The following ABCA12 variants were observed in gnomAD, a reference collection of about 807,000 sequenced individuals.
ABCA12 encodes ATP binding cassette subfamily A member 12.
Under a neutral mutation model 293.5 loss-of-function variants are expected in ABCA12, and 156 were observed. The observed-to-expected ratio is 0.53, with a 90% confidence interval of 0.47 to 0.61. ABCA12 has a LOEUF of 0.61. Among genes scored for constraint, ABCA12 ranks in the 20% least tolerant of loss-of-function variants. The pLI is 0.00. For synonymous variants in ABCA12, 1,063 were observed against 1,108.0 expected, an observed-to-expected ratio of 0.96 and a Z score of 0.81; for missense variants, 2,797 against 3,090.2, an observed-to-expected ratio of 0.91 and a Z score of 2.25.
chr2:215,129,429 G>T (rs1253848973), intron 1 of ABCA12, among the ~76,000 whole-genome samples: 1 of 152,192 alleles, frequency 6.6e-6, no homozygotes, highest in African/African-American at 2.4e-5. Context: ...ATTCTGACTT[G>T]TGTAAGGTGG....
intron 23 of ABCA12, among the ~76,000 whole-genome samples, chr2:214,995,567 T>C (rs1311980328): frequency 1.3e-5 from 2 of 152,196 alleles, no homozygotes; most frequent in African/African-American, 4.8e-5. Context: ...AAGTCACTTC[T>C]CACTTTCTGA....
At chr2:214,934,719 A>G (rs902278086) in intron 51 of ABCA12, among the ~76,000 whole-genome samples, 2 of 152,096 alleles carry the variant, frequency 1.3e-5, no homozygotes, top group Non-Finnish European at 1.5e-5. Flanking sequence ...ATTCTTTCCA[A>G]TTTCTTTATT....
At chr2:214,954,776 C>T (rs999082226) in intron 43 of ABCA12, among the ~76,000 whole-genome samples, 1 of 152,158 alleles carries the variant, frequency 6.6e-6, no homozygotes, top group African/African-American at 2.4e-5. Context: ...AAGTAGTCTC[C>T]AATACATGAT....
intron 3 of ABCA12, among the ~76,000 whole-genome samples, chr2:215,062,684 C>T (rs1432893326): frequency 6.6e-6 from 1 of 151,302 alleles, no homozygotes; most frequent in East Asian, 2.0e-4. Context: ...TGCTGTTTCT[C>T]GGCATGCAAC....
chr2:215,117,860 G>A (rs2106135561), intron 1 of ABCA12, among the ~76,000 whole-genome samples: 1 of 152,280 alleles, frequency 6.6e-6, no homozygotes, highest in Admixed American at 6.5e-5. Flanking sequence ...CAGACTGGTG[G>A]TAGAAAGATC....
At chr2:214,993,298 T>C (rs140690071) in intron 23 of ABCA12, among the ~76,000 whole-genome samples, 195 of 152,334 alleles carry the variant, frequency 1.3e-3, no homozygotes, top group African/African-American at 4.4e-3. Context: ...ATGGAAAATA[T>C]GGGTCAAAGT....
At position 215,086,919 on chromosome 2, in the gene ABCA12, T is replaced by TTTATTATTATTA. The variant is rs139025147; in HGVS notation, c.164-22712_164-22701dup. ...GAACTTACCTTTCTCTAACTACCAG[T>TTTATTATTATTA]TTATTATTATTATTATTATTATTAT... On this transcript the variant is annotated intron_variant, in intron 2 of 52. Transcript: ENST00000272895. Among the ~76,000 whole-genome samples, 1,267 of 151,050 alleles carry TTTATTATTATTA rather than the reference T, an allele frequency of 8.4e-3. 14 individuals carry two copies. Among genetic ancestry groups the TTTATTATTATTA allele is most frequent in the African/African-American group, 0.03 (1,208 of 40,654 alleles).
In ABCA12 at chr2:214,974,023, T is replaced by C; in HGVS notation, c.5488A>G (p.Ser1830Gly). The C allele has an allele frequency of 6.2e-7, 1 of 1,613,984 alleles. No homozygotes were observed. Among genetic ancestry groups the C allele is most frequent in the African/African-American group, 1.3e-5 (1 of 75,054 alleles). The part of the protein sequence containing the change: ...TSDLQCLNKD[S>G]LEKWNTSGEP... ...CCACTGGTGTTCCATTTTTCCAGAC[T>C]GTCTTTGTTTAAACACTGTCTGCAA... Residue 1830 changes from serine (S) to glycine (G), a missense_variant, in exon 36 of 53, where the codon AGT becomes GGT. Physicochemically the swap from Ser to Gly is moderately conservative, Grantham distance 56 (BLOSUM62 0). Around this residue, in one of 3 missense-constraint regions of ABCA12, gnomAD observed 2,130 missense variants for 2,427.0 expected, o/e 0.88. Transcript: ENST00000272895.
chr2:215,121,237 T>C (rs13382719), intron 1 of ABCA12, among the ~76,000 whole-genome samples: 9,794 of 152,206 alleles, frequency 0.064, 1,044 homozygotes, highest in African/African-American at 0.22. Flanking sequence ...CACTAAATTA[T>C]AGAGCTAACG....
chr2:215,096,281 C>A (rs1024894739), intron 2 of ABCA12, among the ~76,000 whole-genome samples: 8 of 152,294 alleles, frequency 5.3e-5, no homozygotes, highest in African/African-American at 1.7e-4. Flanking sequence ...TTATCCCCAA[C>A]TGAGGCACAG....
At chr2:215,079,936 C>G (rs1701905602) in intron 2 of ABCA12, among the ~76,000 whole-genome samples, 1 of 152,142 alleles carries the variant, frequency 6.6e-6, no homozygotes, top group African/African-American at 2.4e-5. Context: ...GATAAATAGA[C>G]TAATGGCTAC....
At chr2:214,981,877 G>A (rs2105965747) in intron 30 of ABCA12, among the ~76,000 whole-genome samples, 1 of 146,426 alleles carries the variant, frequency 6.8e-6, no homozygotes, top group Non-Finnish European at 1.5e-5. Flanking sequence ...GGGTTCAAGT[G>A]ATTCTCCAGC....
intron 1 of ABCA12, among the ~76,000 whole-genome samples, chr2:215,125,136 T>C (rs553003526): frequency 1.3e-4 from 18 of 141,238 alleles, no homozygotes; most frequent in Non-Finnish European, 2.2e-4. Context: ...TATTTCTGGG[T>C]TCTCTATTCT....
rs75378121 is a variant in ABCA12 at position 215,073,792 on chromosome 2, C to G, written c.164-9573G>C. Among the ~76,000 whole-genome samples the G allele has an allele frequency of 3.1e-4, 47 of 152,198 alleles. No homozygotes were observed. In the East Asian group the frequency reaches 8.3e-3, roughly 27 times the overall value. ...ACTCACAAAGCCTGCACTGAGAGAA[C>G]GAGTTGAGGATTTAATTCCTCTCCT... On this transcript the variant is annotated intron_variant, in intron 2 of 52. Coordinates refer to ENST00000272895, the MANE Select transcript of ABCA12 (RefSeq NM_173076.3).
intron 1 of ABCA12, among the ~76,000 whole-genome samples, chr2:215,112,505 T>TC (rs1559201118): frequency 2.5e-4 from 15 of 60,192 alleles, no homozygotes; most frequent in Non-Finnish European, 9.8e-4. Flanking sequence ...TTGTTTTTTT[T>TC]TGTTTTTTTT....
chr2:214,968,219 C>T (rs1023727992), intron 38 of ABCA12, among the ~76,000 whole-genome samples: 1 of 152,100 alleles, frequency 6.6e-6, no homozygotes, highest in Non-Finnish European at 1.5e-5. Context: ...TTCCCTGACC[C>T]TCTGTGTCCT....
intron 1 of ABCA12, among the ~76,000 whole-genome samples, chr2:215,119,245 A>T (rs979102057): frequency 1.3e-5 from 2 of 152,228 alleles, no homozygotes; most frequent in African/African-American, 4.8e-5. Flanking sequence ...TACTGGGATT[A>T]CAGGCATGAG....
At chr2:215,031,685 C>A in intron 9 of ABCA12, 136 bp downstream of exon 9, 1 of 1,040,066 alleles carries the variant, frequency 9.6e-7, no homozygotes. Context: ...GGACTATGCC[C>A]TTTCCTCTGC....
chr2:214,987,413 G>A (rs1699811720), intron 27 of ABCA12, among the ~76,000 whole-genome samples: 1 of 152,070 alleles, frequency 6.6e-6, no homozygotes, highest in South Asian at 2.1e-4. Flanking sequence ...ACCACAAAGG[G>A]ATCTGCAATC....
Sources: allele counts gnomAD v4.1 joint callset (sites outside exome capture counted in the v4.1 genomes callset), GRCh38; gene constraint gnomAD v4.1.1; regional missense constraint gnomAD v4.1.1; transcripts MANE v1.5; gene names NCBI Gene and HGNC (gene_info 2026-07-23, HGNC 2026-07-21).